The following ATXN1 variants were observed in gnomAD, a reference collection of about 807,000 sequenced individuals.
ATXN1 encodes the protein ataxin-1.
In ATXN1, 8 loss-of-function variants were observed where a neutral mutation model predicts 56.4. The observed-to-expected ratio is 0.14, with a 90% CI of 0.08 to 0.26. The LOEUF (loss-of-function observed/expected upper bound fraction) is 0.26, where lower values mean the gene tolerates loss of function less well. ATXN1 is among the 10% of genes least tolerant of loss of function. The pLI, the probability that ATXN1 is intolerant of heterozygous loss-of-function variation, is 1.00. For synonymous variants in ATXN1, 514 were observed against 494.6 expected (o/e 1.04, Z -0.52); for missense variants, 987 against 1,106.5 (o/e 0.89, Z 1.53).
chr6:16,621,839 TG>T (rs1763325927), intron 3 of ATXN1, among the ~76,000 whole-genome samples: 1 of 152,120 alleles, frequency 6.6e-6, no homozygotes, highest in Admixed American at 6.5e-5. Context: ...GGCAGAAAAG[TG>T]GAGTAGTTAA....
intron 6 of ATXN1, 65 bp downstream of exon 6, chr6:16,485,907 A>C (rs760342853): frequency 6.6e-6 from 1 of 152,220 alleles, no homozygotes; most frequent in Admixed American, 6.5e-5. Context: ...GCTCGGTTAC[A>C]TCAAGTGATT....
Position 16,450,514 on chromosome 6 carries a change from C to T in ATXN1, c.-161+35458G>A, listed in dbSNP as rs184955520. ...TGTGCTTTGGAAGAGAGGGCAGGGG[C>T]TTATTACTCAGAGAGACGTAGGTTC... On this transcript the variant is annotated intron_variant, in intron 6 of 7. Coordinates refer to ENST00000436367, the MANE Select transcript of ATXN1 (RefSeq NM_001128164.2). 8.3e-4 allele frequency among the ~76,000 whole-genome samples: 127 copies of T among 152,254 alleles called. 1 individual carries two copies. The highest frequency in any genetic ancestry group is 3.4e-3 in the Middle Eastern group (1 of 294).
At chr6:16,572,036 T>G (rs1447406477) in intron 4 of ATXN1, among the ~76,000 whole-genome samples, 1 of 152,186 alleles carries the variant, frequency 6.6e-6, no homozygotes. Context: ...GTTTTAGATA[T>G]GCCATGGCCG....
At chr6:16,475,839 C>T (rs1412473472) in intron 6 of ATXN1, among the ~76,000 whole-genome samples, 1 of 151,742 alleles carries the variant, frequency 6.6e-6, no homozygotes, top group Non-Finnish European at 1.5e-5. Flanking sequence ...TGGACAGAGC[C>T]CAAGGTGTCC....
intron 5 of ATXN1, among the ~76,000 whole-genome samples, chr6:16,517,351 C>T (rs1428168475): frequency 6.6e-6 from 1 of 152,218 alleles, no homozygotes; most frequent in African/African-American, 2.4e-5. Context: ...TGTGGGCCAG[C>T]CACTTGACCT....
chr6:16,605,123 T>C (rs1323613116), intron 3 of ATXN1, among the ~76,000 whole-genome samples: 1 of 152,218 alleles, frequency 6.6e-6, no homozygotes, highest in Non-Finnish European at 1.5e-5. Flanking sequence ...CGTGAACTGC[T>C]TCCACTAATG....
intron 3 of ATXN1, among the ~76,000 whole-genome samples, chr6:16,596,764 G>A (rs1762822772): frequency 6.6e-6 from 1 of 152,156 alleles, no homozygotes; most frequent in Non-Finnish European, 1.5e-5. Context: ...ATTTGTCAAA[G>A]GGGAGCCCTT....
chr6:16,738,591 G>A (rs1760219190), intron 2 of ATXN1: 1 of 152,046 alleles, frequency 6.6e-6, no homozygotes, highest in Admixed American at 6.5e-5. Flanking sequence ...TAAAAAACCA[G>A]GATTTTAAAA....
chr6:16,638,623 G>A (rs900571229), intron 3 of ATXN1, among the ~76,000 whole-genome samples: 1 of 152,072 alleles, frequency 6.6e-6, no homozygotes, highest in African/African-American at 2.4e-5. Context: ...ACCTATAAAT[G>A]ACCAAGATCA....
At position 16,464,261 on chromosome 6, in the gene ATXN1, A is replaced by AAGTGCTCTGTAAAACGCACCAATT. The variant is rs1223305732; in HGVS notation, c.-161+21687_-161+21710dup. Among the ~76,000 whole-genome samples the AAGTGCTCTGTAAAACGCACCAATT allele has an allele frequency of 2.0e-5, 3 of 152,134 alleles. No homozygotes were observed. In the East Asian group the frequency reaches 5.8e-4, roughly 29 times the overall value. ...TCAGCACTTTGTAAAATGCACCAAT[A>AAGTGCTCTGTAAAACGCACCAATT]AGTGCTCTGTAAAACGCACCAATTA... On this transcript the variant is annotated intron_variant, in intron 6 of 7. Transcript: ENST00000436367.
chr6:16,637,175 G>T (rs933331972), intron 3 of ATXN1, among the ~76,000 whole-genome samples: 2 of 152,164 alleles, frequency 1.3e-5, no homozygotes, highest in Non-Finnish European at 1.5e-5. Flanking sequence ...CATAAAAAAG[G>T]ATGAGTTCAT....
At chr6:16,324,479 T>C (rs953111266) in intron 7 of ATXN1, among the ~76,000 whole-genome samples, 10 of 152,092 alleles carry the variant, frequency 6.6e-5, no homozygotes, top group Admixed American at 3.3e-4. Flanking sequence ...CCAAAACAAT[T>C]CAAACCATTA....
chr6:16,646,993 G>T (rs1296027246), intron 3 of ATXN1, among the ~76,000 whole-genome samples: 2 of 151,674 alleles, frequency 1.3e-5, no homozygotes, highest in African/African-American at 2.4e-5. Context: ...AGGTTTTTTT[G>T]TTTGTTTGTT....
At position 16,616,789 on chromosome 6, in the gene ATXN1, A is replaced by C. The variant is rs189921045; in HGVS notation, c.-488-30882T>G. Among the ~76,000 whole-genome samples the C allele has an allele frequency of 2.0e-3, 307 of 150,550 alleles. 1 individual carries two copies. The highest frequency in any genetic ancestry group is 7.0e-3 in the African/African-American group (286 of 41,126). On this transcript the variant is annotated intron_variant, in intron 3 of 7. Transcript: ENST00000436367. ...AAAACGCAATGATAATCAGGTGAAAATTTCCCTTATACAGTAGTCTCCCCA... is the reference window on the plus strand; with the variant it reads ...AAAACGCAATGATAATCAGGTGAAACTTTCCCTTATACAGTAGTCTCCCCA...
In ATXN1 at chr6:16,326,290, G is replaced by A. The variant is rs949530452; in HGVS notation, c.1917+104C>T. On this transcript the variant is annotated intron_variant, in intron 7 of 7. Transcript: ENST00000436367. The surrounding 1 kb of genome is among the most constrained non-coding windows in gnomAD (Gnocchi z 6.6). ...CCGAGTCTAAGGTCTAGGTGTACCC[G>A]AGAACCCTTAATCCTGCCTCATAGA... is the stretch of plus-strand genomic sequence containing the variant. 4.6e-6 allele frequency: 7 copies of A among 1,528,412 alleles called. No homozygotes were observed. The South Asian group carries it at 5.0e-5, about 11-fold the overall frequency. 94.7% of individuals were successfully genotyped at this position (1,528,412 alleles called of 1,614,324 possible). A position where few individuals can be genotyped will look rare whatever the true frequency, so the allele number is the denominator to read the frequency against.
At chr6:16,370,254 G>A (rs565819298) in intron 6 of ATXN1, among the ~76,000 whole-genome samples, 2 of 152,210 alleles carry the variant, frequency 1.3e-5, no homozygotes, top group East Asian at 3.9e-4. Flanking sequence ...GAGAGGAATT[G>A]TTCTTTCCAC....
At chr6:16,628,854 TC>T (rs1242350430) in intron 3 of ATXN1, among the ~76,000 whole-genome samples, 1 of 152,224 alleles carries the variant, frequency 6.6e-6, no homozygotes, top group Non-Finnish European at 1.5e-5. Context: ...ATTTTTTTTG[TC>T]CAATCTGTCA....
intron 3 of ATXN1, among the ~76,000 whole-genome samples, chr6:16,642,377 A>G (rs1222084547): frequency 6.6e-6 from 1 of 152,232 alleles, no homozygotes; most frequent in Non-Finnish European, 1.5e-5. Flanking sequence ...CCTGGGTGAC[A>G]GAACGAGACT....
At chr6:16,717,734 T>C (rs1005840568) in intron 2 of ATXN1, among the ~76,000 whole-genome samples, 1 of 152,206 alleles carries the variant, frequency 6.6e-6, no homozygotes, top group Non-Finnish European at 1.5e-5. Context: ...ATCTGTGGCA[T>C]AGCTCTCTGA....
Sources: gnomAD v4.1 joint callset for allele counts (sites outside exome capture counted in the v4.1 genomes callset) on GRCh38, gnomAD v4.1.1 for gene constraint, Gnocchi (gnomAD v3.1) non-coding constraint, MANE v1.5 for transcripts, NCBI Gene and HGNC (gene_info 2026-07-23, HGNC 2026-07-21) for gene names.